Variants in USP15 observed in about 807,000 individuals in gnomAD.
The protein encoded by USP15 is ubiquitin specific peptidase 15.
In USP15, 18 loss-of-function variants were observed where a neutral mutation model predicts 127.1. That is an observed-to-expected ratio of 0.14 (90% CI 0.10 to 0.21). The LOEUF (loss-of-function observed/expected upper bound fraction) is 0.21, where lower values mean the gene tolerates loss of function less well. Ranked by LOEUF, USP15 falls within the 10% of genes least tolerant of loss-of-function variation. The probability of loss-of-function intolerance (pLI) is 1.00; values close to 1 mark genes in which losing one functional copy is unlikely to be tolerated. For synonymous variants in USP15, 364 were observed against 393.7 expected, an observed-to-expected ratio of 0.92 and a Z score of 0.89; for missense variants, 805 against 1,159.9, an observed-to-expected ratio of 0.69 and a Z score of 4.44.
chr12:62,297,983 C>G (rs764297176), intron 2 of USP15, among the ~76,000 whole-genome samples: 29 of 152,100 alleles, frequency 1.9e-4, no homozygotes, highest in Non-Finnish European at 3.5e-4. Flanking sequence ...TTATGAAGAA[C>G]CAAACAAATT....
rs1430649389 is a variant in USP15 at position 62,409,954 on chromosome 12, G to C, written c.*5579G>C. 1 of 151,956 alleles carries C rather than the reference G, an allele frequency of 6.6e-6. No homozygotes were observed. The highest frequency in any genetic ancestry group is 1.5e-5 in the Non-Finnish European group (1 of 67,968). 9.4% of individuals were successfully genotyped at this position (151,956 alleles called of 1,614,324 possible). The stretch of plus-strand genomic sequence containing the variant: ...CATAAAGGAGTATTCGATGTTAACA[G>C]ACGTAACTCTTTAATGCTCCTCTGT... On this transcript the variant is annotated 3_prime_UTR_variant, in exon 22 of 22. Transcript: ENST00000280377.
At chr12:62,320,123 T>C (rs1302726571) in intron 4 of USP15, among the ~76,000 whole-genome samples, 2 of 152,236 alleles carry the variant, frequency 1.3e-5, no homozygotes, top group African/African-American at 4.8e-5. Flanking sequence ...AAAGCAGTAC[T>C]GATAAGGCTT....
Position 62,391,306 on chromosome 12 carries a change from C to A in USP15, c.2110C>A (p.Leu704Ile). 6.2e-7 allele frequency: 1 copy of A among 1,613,550 alleles called. No individual in the cohort carries two copies. The highest frequency in any genetic ancestry group is 8.5e-7 in the Non-Finnish European group (1 of 1,179,688). ...TACTGAGGATACTTGCAAAGGTCAACTCACGGGACACAAAAAACGATTGTT... is the reference window on the plus strand; with the variant it reads ...TACTGAGGATACTTGCAAAGGTCAAATCACGGGACACAAAAAACGATTGTT... Reference protein sequence around the residue: ...LCTEDTCKGQLTGHKKRLFTF... With the variant: ...LCTEDTCKGQITGHKKRLFTF... Residue 704 changes from leucine (L) to isoleucine (I), a missense_variant, in exon 16 of 22, where the codon CTC becomes ATC. Physicochemically the swap from Leu to Ile is conservative, Grantham distance 5. Around this residue, in one of 11 missense-constraint regions of USP15, gnomAD observed 225 missense variants for 239.5 expected, o/e 0.94. Coordinates refer to ENST00000280377, the MANE Select transcript of USP15 (RefSeq NM_001252078.2).
At chr12:62,359,448 C>T (rs1007651820) in intron 8 of USP15, among the ~76,000 whole-genome samples, 4 of 152,020 alleles carry the variant, frequency 2.6e-5, no homozygotes, top group Non-Finnish European at 5.9e-5. Flanking sequence ...GTAAGGGTTA[C>T]GTGAGTTGAT....
At chr12:62,309,345 A>G (rs937269668) in intron 3 of USP15, among the ~76,000 whole-genome samples, 5 of 152,094 alleles carry the variant, frequency 3.3e-5, no homozygotes, top group African/African-American at 1.2e-4. Context: ...TTTCTAGACA[A>G]ACAGAACTTT....
chr12:62,374,329 G>A (rs2066761159), intron 8 of USP15: 2 of 959,928 alleles, frequency 2.1e-6, no homozygotes, highest in African/African-American at 3.5e-5. Context: ...TATAGAATGA[G>A]TTACACAACT....
Position 62,393,143 on chromosome 12 carries a change from A to G in USP15, c.2511A>G (p.Arg837=), listed in dbSNP as rs751560516. 10 of 1,613,714 alleles carry G rather than the reference A, an allele frequency of 6.2e-6. No individual in the cohort carries two copies. In the Admixed American group the frequency reaches 1.7e-4, roughly 27 times the overall value. Residue 837 remains arginine, a synonymous_variant, in exon 19 of 22, where the codon CGA becomes CGG. Coordinates refer to ENST00000280377, the MANE Select transcript of USP15 (RefSeq NM_001252078.2). ...LPPVLVVHLK[R]FSYSRYMRDK... The stretch of plus-strand genomic sequence containing the variant: ...CAGTACTTGTAGTACATCTCAAGCG[A>G]TTTTCTTACAGTCGATACATGAGAG...
In USP15 at chr12:62,291,787, G is replaced by A. The variant is rs542887707; in HGVS notation, c.90-2392G>A. Among the ~76,000 whole-genome samples, 163 of 152,258 alleles carry A rather than the reference G, an allele frequency of 1.1e-3. 4 individuals carry two copies. The South Asian group carries it at 0.032, about 30-fold the overall frequency. On this transcript the variant is annotated intron_variant, in intron 1 of 21. Transcript: ENST00000280377. ...AATTTCCTGGTTTTAGATAGCCTTT[G>A]GTGGCTTTCTCAAACATCAGGTGTG...
rs138733415 is a variant in USP15 at position 62,305,621 on chromosome 12, G to A, written c.348+2701G>A. The A allele has an allele frequency of 6.6e-4, 101 of 152,308 alleles. 1 individual carries two copies. The highest frequency in any genetic ancestry group is 2.2e-3 in the African/African-American group (93 of 41,570). The allele number at this position is 152,308 out of a possible 1,614,324, so 9.4% of individuals were successfully genotyped here. A position where few individuals can be genotyped will look rare whatever the true frequency, so the allele number is the denominator to read the frequency against. ...TGTAGACTGACAAAATGTAAATGTT[G>A]TGAGTAAGTCTTAAGATGGACTGTT... On this transcript the variant is annotated intron_variant, in intron 3 of 21. Transcript: ENST00000280377.
chr12:62,400,931 GTTA>G (rs1168704304), intron 20 of USP15, among the ~76,000 whole-genome samples: 1 of 151,948 alleles, frequency 6.6e-6, no homozygotes, highest in African/African-American at 2.4e-5. Flanking sequence ...TATCATTAGT[GTTA>G]TTATGTGAAT....
chr12:62,343,784 C>T (rs552161584), intron 6 of USP15, among the ~76,000 whole-genome samples: 1 of 152,294 alleles, frequency 6.6e-6, no homozygotes, highest in Admixed American at 6.5e-5. Context: ...CAGAAATCAC[C>T]TACCTTCTCC....
intron 4 of USP15, among the ~76,000 whole-genome samples, chr12:62,320,446 A>AT (rs2064953178): frequency 6.6e-6 from 1 of 152,162 alleles, no homozygotes; most frequent in African/African-American, 2.4e-5. Context: ...TCTTTTCTTC[A>AT]TAAGTTACCC....
chr12:62,297,906 T>C (rs1352066824), intron 2 of USP15, among the ~76,000 whole-genome samples: 1 of 152,084 alleles, frequency 6.6e-6, no homozygotes, highest in Non-Finnish European at 1.5e-5. Context: ...CACGAAAACA[T>C]AGACAACTTA....
At chr12:62,285,951 T>C (rs1592498474) in intron 1 of USP15, among the ~76,000 whole-genome samples, 1 of 152,214 alleles carries the variant, frequency 6.6e-6, no homozygotes, top group Non-Finnish European at 1.5e-5. Context: ...CTGTTATCTT[T>C]TGAGCTTCTA....
chr12:62,276,141 C>T (rs900840896), intron 1 of USP15, among the ~76,000 whole-genome samples: 1 of 151,984 alleles, frequency 6.6e-6, no homozygotes, highest in Admixed American at 6.6e-5. Context: ...CCTTGTAATC[C>T]TCTGAAACAG....
At chr12:62,270,710 T>C (rs2063328554) in intron 1 of USP15, among the ~76,000 whole-genome samples, 2 of 152,122 alleles carry the variant, frequency 1.3e-5, no homozygotes, top group African/African-American at 4.8e-5. Flanking sequence ...TATATTTGAT[T>C]GACATATACC....
intron 6 of USP15, among the ~76,000 whole-genome samples, chr12:62,337,845 T>G (rs999440175): frequency 6.6e-6 from 1 of 152,204 alleles, no homozygotes; most frequent in African/African-American, 2.4e-5. Flanking sequence ...TATTCCATGG[T>G]GTATATGTGC....
chr12:62,336,199 A>G (rs538496206), intron 6 of USP15: 2 of 985,396 alleles, frequency 2.0e-6, no homozygotes, highest in African/African-American at 3.5e-5. Flanking sequence ...CCTCTCCCCC[A>G]GCTCAAACTG....
chr12:62,272,960 A>G (rs962784045), intron 1 of USP15, among the ~76,000 whole-genome samples: 1 of 152,046 alleles, frequency 6.6e-6, no homozygotes. Context: ...ATCTCTTTAC[A>G]GTTAAAAATC....
Sources: allele counts gnomAD v4.1 joint callset (sites outside exome capture counted in the v4.1 genomes callset), GRCh38; gene constraint gnomAD v4.1.1; regional missense constraint gnomAD v4.1.1; transcripts MANE v1.5; gene names NCBI Gene and HGNC (gene_info 2026-07-23, HGNC 2026-07-21).